The following QSOX1 variants were observed in gnomAD, a reference collection of about 807,000 sequenced individuals.
QSOX1 encodes sulfhydryl oxidase 1.
In QSOX1, 40 loss-of-function variants were observed where a neutral mutation model predicts 76.1. That is an observed-to-expected ratio of 0.53 (90% CI 0.41 to 0.68). QSOX1 has a LOEUF of 0.68. QSOX1 is among the 30% of genes least tolerant of loss of function. The probability of loss-of-function intolerance (pLI) is 0.00; values close to 1 mark genes in which losing one functional copy is unlikely to be tolerated. For missense variants in QSOX1, 931 were observed against 974.3 expected (o/e 0.96, Z 0.59); for synonymous variants, 392 against 413.1 (o/e 0.95, Z 0.62).
chr1:180,190,605 A>G, intron 10 of QSOX1, 25 bp downstream of exon 10: 1 of 1,602,352 alleles, frequency 6.2e-7, no homozygotes. Context: ...CGTTCACCCC[A>G]CTGTGCCTCC....
At chr1:180,192,415 G>A (rs554732625) in intron 10 of QSOX1, among the ~76,000 whole-genome samples, 2 of 152,348 alleles carry the variant, frequency 1.3e-5, no homozygotes, top group African/African-American at 4.8e-5. Context: ...GGTGGAGGAT[G>A]GGCTACTGCA....
chr1:180,187,605 G>C (rs1304545053), intron 8 of QSOX1, among the ~76,000 whole-genome samples: 1 of 152,252 alleles, frequency 6.6e-6, no homozygotes, highest in African/African-American at 2.4e-5. Context: ...GGGGCTGTTT[G>C]CAGCCGGTAT....
At chr1:180,194,415 G>T (rs763197347) in intron 11 of QSOX1, 23 bp downstream of exon 11, 3 of 1,512,506 alleles carry the variant, frequency 2.0e-6, no homozygotes, top group East Asian at 4.8e-5. Flanking sequence ...CATCCCCAAG[G>T]CTGGAGTCAC....
intron 11 of QSOX1, among the ~76,000 whole-genome samples, chr1:180,195,805 A>G (rs1198711874): frequency 6.6e-6 from 1 of 152,282 alleles, no homozygotes; most frequent in Non-Finnish European, 1.5e-5. Flanking sequence ...CTATTTGTGC[A>G]GTTTGTATAA....
At chr1:180,189,130 G>T (rs1266782577) in intron 8 of QSOX1, among the ~76,000 whole-genome samples, 1 of 152,202 alleles carries the variant, frequency 6.6e-6, no homozygotes, top group African/African-American at 2.4e-5. Context: ...TGGCAAGTCA[G>T]CTCTATCCGA....
At chr1:180,194,122 G>A in intron 10 of QSOX1, 91 bp from the exon 11 acceptor site, 3 of 1,304,340 alleles carry the variant, frequency 2.3e-6, no homozygotes, top group Non-Finnish European at 3.2e-6. Flanking sequence ...GGCCACGGCA[G>A]GATGGGGGGC....
intron 1 of QSOX1, among the ~76,000 whole-genome samples, chr1:180,166,250 G>A (rs1572039964): frequency 6.6e-6 from 1 of 152,330 alleles, no homozygotes; most frequent in South Asian, 2.1e-4. Flanking sequence ...ATACCATTAT[G>A]AGGCAGTATG....
chr1:180,195,091 C>T lies in QSOX1; in HGVS notation c.1468+699C>T, dbSNP rs374814989. Among the ~76,000 whole-genome samples the T allele has an allele frequency of 4.6e-5, 7 of 152,052 alleles. 1 individual carries two copies. The East Asian group carries it at 9.7e-4, about 21-fold the overall frequency. On this transcript the variant is annotated intron_variant, in intron 11 of 11. Coordinates refer to ENST00000367602, the MANE Select transcript of QSOX1 (RefSeq NM_002826.5). ...GCACTTGGTCGTGGTCTCCTGGGGC[C>T]TCCTATCGAACTTTGAAAGGAAGAC...
At chr1:180,174,397 C>T (rs1040677605) in intron 2 of QSOX1, among the ~76,000 whole-genome samples, 1 of 152,244 alleles carries the variant, frequency 6.6e-6, no homozygotes, top group African/African-American at 2.4e-5. Context: ...ATCAGCTAGT[C>T]TGTAGCAAGG....
chr1:180,175,485 TC>T, intron 3 of QSOX1, 119 bp downstream of exon 3: 1 of 1,074,582 alleles, frequency 9.3e-7, no homozygotes, highest in Non-Finnish European at 1.4e-6. Flanking sequence ...GGTGAGGCGG[TC>T]CCCACGGGAA....
In QSOX1 at chr1:180,199,313, C is replaced by T. The variant is rs1339905462; in HGVS notation, c.*2276C>T. 1.3e-5 allele frequency: 2 copies of T among 152,204 alleles called. No homozygotes were observed. Among genetic ancestry groups the T allele is most frequent in the East Asian group, 3.9e-4 (2 of 5,174 alleles). 9.4% of individuals were successfully genotyped at this position (152,204 alleles called of 1,614,324 possible). A position where few individuals can be genotyped will look rare whatever the true frequency, so the allele number is the denominator to read the frequency against. On this transcript the variant is annotated 3_prime_UTR_variant, in exon 12 of 12. Transcript: ENST00000367602. ...CTGGAGCTTGCTGAGTCTTGAATGC[C>T]CTTCTAGATGGCTTCTCTAGAGGCT...
At chr1:180,194,155 A>G in intron 10 of QSOX1, 58 bp from the exon 11 acceptor site, 3 of 1,522,128 alleles carry the variant, frequency 2.0e-6, no homozygotes, top group South Asian at 2.5e-5. Flanking sequence ...TGGGGAGGCA[A>G]CGGCTGTGGG....
intron 2 of QSOX1, among the ~76,000 whole-genome samples, chr1:180,172,880 A>T (rs1171576229): frequency 6.6e-6 from 1 of 152,250 alleles, no homozygotes; most frequent in East Asian, 1.9e-4. Flanking sequence ...ACCTGCTCAG[A>T]TGTGGGTGAC....
intron 2 of QSOX1, among the ~76,000 whole-genome samples, chr1:180,167,182 A>C (rs1264346063): frequency 2.0e-5 from 3 of 152,228 alleles, no homozygotes. Context: ...GCTCTCAAAT[A>C]GGAGGCCCTG....
chr1:180,183,185 G>A (rs770982323), intron 6 of QSOX1, among the ~76,000 whole-genome samples: 19 of 152,120 alleles, frequency 1.2e-4, no homozygotes, highest in African/African-American at 4.3e-4. Context: ...TCTGCTCACC[G>A]AGAAACCCAG....
intron 1 of QSOX1, among the ~76,000 whole-genome samples, chr1:180,162,920 A>G (rs1662526153): frequency 6.6e-6 from 1 of 152,188 alleles, no homozygotes; most frequent in South Asian, 2.1e-4. Context: ...CCATTTTCTT[A>G]AGTAATCAAG....
chr1:180,178,902 TC>T lies in QSOX1; in HGVS notation c.606+21del. The T allele has an allele frequency of 2.5e-6, 4 of 1,600,192 alleles. No homozygotes were observed. The highest frequency in any genetic ancestry group is 3.4e-6 in the Non-Finnish European group (4 of 1,167,480). ...GTAGAGAGGTGAGCTGCCCTGAAGT[TC>T]CCTGCAATTCTTGGATAGCCATGGA... On this transcript the variant is annotated intron_variant, in intron 5 of 11. Coordinates refer to ENST00000367602, the MANE Select transcript of QSOX1 (RefSeq NM_002826.5).
intron 7 of QSOX1, among the ~76,000 whole-genome samples, chr1:180,185,603 G>A (rs1663151400): frequency 1.3e-5 from 2 of 152,152 alleles, no homozygotes; most frequent in Admixed American, 1.3e-4. Context: ...CTAAACCCTG[G>A]TCTTTCAGAG....
intron 2 of QSOX1, among the ~76,000 whole-genome samples, chr1:180,167,936 A>C (rs1231145382): frequency 1.3e-5 from 2 of 152,218 alleles, no homozygotes; most frequent in Non-Finnish European, 2.9e-5. Flanking sequence ...AGCTGTGGGC[A>C]AGTTAGTGTG....
Sources: allele counts gnomAD v4.1 joint callset (sites outside exome capture counted in the v4.1 genomes callset), GRCh38; gene constraint gnomAD v4.1.1; transcripts MANE v1.5; gene names NCBI Gene and HGNC (gene_info 2026-07-23, HGNC 2026-07-21).